The following LMTK2 variants were observed in gnomAD, a reference collection of about 807,000 sequenced individuals.
LMTK2 encodes the protein lemur tail kinase 2.
A neutral mutation model predicts 127.5 loss-of-function variants in LMTK2; 37 were observed. That is an observed-to-expected ratio of 0.29 (90% CI 0.22 to 0.38). LMTK2 has a LOEUF of 0.38. Ranked by LOEUF, LMTK2 falls within the 10% of genes least tolerant of loss-of-function variation. The pLI is 1.00. For synonymous variants in LMTK2, 819 were observed against 810.1 expected, an observed-to-expected ratio of 1.01 and a Z score of -0.19; for missense variants, 1,694 against 1,920.3, an observed-to-expected ratio of 0.88 and a Z score of 2.20.
chr7:98,107,497 G>A (rs1417667508), intron 1 of LMTK2, among the ~76,000 whole-genome samples: 3 of 152,104 alleles, frequency 2.0e-5, no homozygotes, highest in Non-Finnish European at 4.4e-5. Context: ...AGGGCGGCGG[G>A]CGAGGTAGCA....
chr7:98,121,544 A>C (rs1262023956), intron 1 of LMTK2, among the ~76,000 whole-genome samples: 2 of 151,252 alleles, frequency 1.3e-5, no homozygotes, highest in African/African-American at 4.9e-5. Context: ...GAGGCAGAGG[A>C]ATCGCTTGAA....
chr7:98,179,756 A>G (rs1797327435), intron 7 of LMTK2, among the ~76,000 whole-genome samples: 1 of 152,174 alleles, frequency 6.6e-6, no homozygotes, highest in Non-Finnish European at 1.5e-5. Context: ...TTTCCCAGGC[A>G]GTTCAGCAGG....
At position 98,192,430 on chromosome 7, in the gene LMTK2, G is replaced by A; in HGVS notation, c.1965G>A (p.Met655Ile). Residue 655 changes from methionine (M) to isoleucine (I), a missense_variant, in exon 11 of 14, where the codon ATG (methionine) becomes ATA (isoleucine). Transcript: ENST00000297293. ...GTCACCAAAAAATATTCGACTTAAT[G>A]GAATTAAACGGAGTTCAAGCCGACT... ...LPSHQKIFDL[M>I]ELNGVQADFK... 6.2e-7 allele frequency: 1 copy of A among 1,612,544 alleles called. No homozygotes were observed. The highest frequency in any genetic ancestry group is 8.5e-7 in the Non-Finnish European group (1 of 1,179,726).
intron 6 of LMTK2, among the ~76,000 whole-genome samples, chr7:98,167,914 C>T (rs1357096119): frequency 2.0e-5 from 3 of 152,110 alleles, no homozygotes; most frequent in Admixed American, 6.5e-5. Context: ...TTGCGGTGCC[C>T]GAAGGCTGGT....
intron 6 of LMTK2, among the ~76,000 whole-genome samples, chr7:98,163,090 G>C (rs1295794641): frequency 6.7e-6 from 1 of 150,176 alleles, no homozygotes; most frequent in Non-Finnish European, 1.5e-5. Context: ...GATTCCTAGA[G>C]ACAGAAAGTA....
intron 8 of LMTK2, 83 bp downstream of exon 8, chr7:98,185,218 A>G (rs1002062734): frequency 6.3e-6 from 6 of 956,856 alleles, no homozygotes; most frequent in South Asian, 6.1e-5. Context: ...CACTGTTTGT[A>G]TAAGAATCTT....
At chr7:98,199,027 G>T (rs1023814073) in intron 11 of LMTK2, among the ~76,000 whole-genome samples, 1 of 152,038 alleles carries the variant, frequency 6.6e-6, no homozygotes, top group African/African-American at 2.4e-5. Flanking sequence ...AGATTTTATT[G>T]TATCTTTTTG....
chr7:98,152,524 G>A (rs1188498172), intron 4 of LMTK2, among the ~76,000 whole-genome samples: 2 of 152,206 alleles, frequency 1.3e-5, no homozygotes, highest in Admixed American at 6.5e-5. Context: ...TGTGGAGGAA[G>A]ATGGGTCAAA....
At position 98,205,535 on chromosome 7, in the gene LMTK2, G is replaced by C; in HGVS notation, c.*43G>C. On this transcript the variant is annotated 3_prime_UTR_variant, in exon 14 of 14. Coordinates refer to ENST00000297293, the MANE Select transcript of LMTK2 (RefSeq NM_014916.4). ...CGCTCGGGTCCGAGGCTGCTCCCCT[G>C]GAGCGGCGCCCCTGCGCCCTCAGCC... is the stretch of plus-strand genomic sequence containing the variant. The C allele has an allele frequency of 6.2e-7, 1 of 1,607,102 alleles. No individual in the cohort carries two copies.
chr7:98,121,915 G>A (rs893823587), intron 1 of LMTK2, among the ~76,000 whole-genome samples: 3 of 151,984 alleles, frequency 2.0e-5, no homozygotes, highest in African/African-American at 4.8e-5. Flanking sequence ...TGAGGTGGGA[G>A]GATCACTTGA....
chr7:98,164,560 G>A (rs573338324), intron 6 of LMTK2, among the ~76,000 whole-genome samples: 45 of 152,202 alleles, frequency 3.0e-4, no homozygotes, highest in Non-Finnish European at 5.9e-4. Context: ...TCAGTAAGTG[G>A]TGGCCATTTT....
intron 1 of LMTK2, among the ~76,000 whole-genome samples, chr7:98,108,492 A>G (rs1487250536): frequency 1.3e-5 from 2 of 152,222 alleles, no homozygotes; most frequent in East Asian, 3.8e-4. Flanking sequence ...TGAACGTTAA[A>G]TGTCCTCATT....
intron 1 of LMTK2, among the ~76,000 whole-genome samples, chr7:98,133,083 A>G (rs951987): frequency 0.13 from 19,356 of 152,236 alleles, 1,970 homozygotes; most frequent in African/African-American, 0.28. Context: ...CTATTAAATG[A>G]AAACTCACAG....
chr7:98,117,148 T>TA lies in LMTK2; in HGVS notation c.103+9870dup, dbSNP rs1215783914. On this transcript the variant is annotated intron_variant, in intron 1 of 13. Transcript: ENST00000297293. ...GGTGTACGAGTGCAGGGTCAACACTTAATGAGTGGCAAGCTGTGCTCCACC... is the reference window on the plus strand; with the variant it reads ...GGTGTACGAGTGCAGGGTCAACACTTAAATGAGTGGCAAGCTGTGCTCCACC... Among the ~76,000 whole-genome samples, 6 of 152,226 alleles carry TA rather than the reference T, an allele frequency of 3.9e-5. No homozygotes were observed. In the East Asian group the frequency reaches 1.2e-3, roughly 29 times the overall value.
intron 5 of LMTK2, among the ~76,000 whole-genome samples, chr7:98,157,297 G>A (rs1796940700): frequency 8.0e-6 from 1 of 125,026 alleles, no homozygotes; most frequent in Admixed American, 8.3e-5. Context: ...AGGTAGGTAG[G>A]TAGATTATAG....
intron 4 of LMTK2, among the ~76,000 whole-genome samples, chr7:98,152,195 C>T (rs1247851218): frequency 6.6e-6 from 1 of 152,110 alleles, no homozygotes; most frequent in Non-Finnish European, 1.5e-5. Context: ...TCTCATAGCC[C>T]GTCAAGTGGC....
At chr7:98,131,500 C>T (rs894143227) in intron 1 of LMTK2, among the ~76,000 whole-genome samples, 3 of 152,102 alleles carry the variant, frequency 2.0e-5, no homozygotes, top group South Asian at 2.1e-4. Context: ...GTTTCCTATA[C>T]ATTGACATTT....
chr7:98,161,299 C>G (rs1209720250), intron 6 of LMTK2, among the ~76,000 whole-genome samples: 1 of 152,150 alleles, frequency 6.6e-6, no homozygotes, highest in African/African-American at 2.4e-5. Flanking sequence ...CTAACAAAGT[C>G]TAAAATTAAT....
intron 1 of LMTK2, chr7:98,126,848 G>C (rs2116340529): frequency 6.6e-6 from 1 of 152,308 alleles, no homozygotes; most frequent in South Asian, 2.1e-4. Flanking sequence ...TTTGAACAGA[G>C]GAACTCTTCC....
Sources: gnomAD v4.1 joint callset for allele counts (sites outside exome capture counted in the v4.1 genomes callset) on GRCh38, gnomAD v4.1.1 for gene constraint, MANE v1.5 for transcripts, NCBI Gene and HGNC (gene_info 2026-07-23, HGNC 2026-07-21) for gene names.